The following EPHA3 variants were observed in gnomAD, a reference collection of about 807,000 sequenced individuals.
EPHA3 encodes the protein ephrin type-A receptor 3.
Under a neutral mutation model 107.1 loss-of-function variants are expected in EPHA3, and 42 were observed. The ratio of observed to expected loss-of-function variants is 0.39; its 90% confidence interval spans 0.31 to 0.51. The LOEUF is 0.51. Ranked by LOEUF, EPHA3 falls within the 20% of genes least tolerant of loss-of-function variation. The pLI is 0.78. For synonymous variants in EPHA3, 461 were observed against 424.8 expected, an observed-to-expected ratio of 1.09 and a Z score of -1.05; for missense variants, 1,183 against 1,211.2, an observed-to-expected ratio of 0.98 and a Z score of 0.35.
intron 3 of EPHA3, among the ~76,000 whole-genome samples, chr3:89,328,056 C>CCACGT (rs1474392637): frequency 2.0e-5 from 3 of 151,840 alleles, no homozygotes; most frequent in Non-Finnish European, 2.9e-5. Flanking sequence ...CGAGATCATG[C>CCACGT]CACGGTACTC....
At chr3:89,385,435 A>C (rs1708595722) in intron 5 of EPHA3, among the ~76,000 whole-genome samples, 1 of 152,144 alleles carries the variant, frequency 6.6e-6, no homozygotes, top group South Asian at 2.1e-4. Context: ...AAGATCTGAT[A>C]GTTTTATAAG....
At chr3:89,466,591 T>A (rs1710280914) in intron 15 of EPHA3, among the ~76,000 whole-genome samples, 1 of 129,220 alleles carries the variant, frequency 7.7e-6, no homozygotes, top group Admixed American at 7.7e-5. Context: ...GTGACCCGAT[T>A]TTCCAGGTGC....
intron 11 of EPHA3, among the ~76,000 whole-genome samples, chr3:89,427,143 AGT>A (rs1298452178): frequency 1.3e-5 from 2 of 151,938 alleles, no homozygotes; most frequent in African/African-American, 4.8e-5. Flanking sequence ...GACATAAATC[AGT>A]GTCTTAACGG....
chr3:89,288,127 C>T (rs1351699264), intron 3 of EPHA3, among the ~76,000 whole-genome samples: 1 of 151,692 alleles, frequency 6.6e-6, no homozygotes, highest in Non-Finnish European at 1.5e-5. Context: ...CAAAAGAATG[C>T]AATTACAAAT....
Position 89,107,650 on chromosome 3 carries a change from G to C in EPHA3, c.-99G>C. 9.1e-7 allele frequency: 1 copy of C among 1,102,570 alleles called. No homozygotes were observed. The highest frequency in any genetic ancestry group is 1.4e-6 in the Non-Finnish European group (1 of 738,720). The allele number at this position is 1,102,570 out of a possible 1,614,324, so 68.3% of individuals were successfully genotyped here. Reference sequence around the variant, plus strand: ...TCAAACTTGACATCAGCCTGCGAGCGGAGCATGGTAACTTCTCCAGCAATC... The same window carrying C: ...TCAAACTTGACATCAGCCTGCGAGCCGAGCATGGTAACTTCTCCAGCAATC... On this transcript the variant is annotated 5_prime_UTR_variant, in exon 1 of 17. Transcript: ENST00000336596.
chr3:89,475,006 C>T (rs567837456), intron 16 of EPHA3, among the ~76,000 whole-genome samples: 2 of 152,320 alleles, frequency 1.3e-5, no homozygotes, highest in South Asian at 4.1e-4. Context: ...ATTCCTTCTT[C>T]TGTCCTTTCT....
intron 3 of EPHA3, among the ~76,000 whole-genome samples, chr3:89,315,634 C>T (rs1475815338): frequency 6.8e-6 from 1 of 146,938 alleles, no homozygotes; most frequent in Admixed American, 6.8e-5. Context: ...AAAAAAAAAG[C>T]AATCTTGTCC....
intron 3 of EPHA3, among the ~76,000 whole-genome samples, chr3:89,280,123 A>G (rs1172933602): frequency 3.9e-5 from 6 of 152,098 alleles, no homozygotes; most frequent in Admixed American, 3.9e-4. Context: ...CTAGCTACAG[A>G]ATTGATGTAA....
At chr3:89,317,808 G>T (rs1358799498) in intron 3 of EPHA3, among the ~76,000 whole-genome samples, 2 of 151,656 alleles carry the variant, frequency 1.3e-5, no homozygotes, top group African/African-American at 4.8e-5. Context: ...TTTTGTATTA[G>T]ATCAAAAATA....
intron 3 of EPHA3, among the ~76,000 whole-genome samples, chr3:89,313,517 A>G (rs1467087343): frequency 6.6e-6 from 1 of 151,880 alleles, no homozygotes; most frequent in African/African-American, 2.4e-5. Flanking sequence ...TTATCTGTTC[A>G]TATTTTCTCT....
At chr3:89,269,798 C>T (rs1176510331) in intron 3 of EPHA3, among the ~76,000 whole-genome samples, 4 of 136,746 alleles carry the variant, frequency 2.9e-5, no homozygotes, top group Non-Finnish European at 3.1e-5. Flanking sequence ...TGTTCCCCTT[C>T]CTGTGTCCAT....
chr3:89,480,782 A>G lies in EPHA3; in HGVS notation c.*1280A>G, dbSNP rs1710607006. On this transcript the variant is annotated 3_prime_UTR_variant, in exon 17 of 17. Transcript: ENST00000336596. ...AACATTGTGATCATTAGTACCAGGT[A>G]TTATTATCTTTAAGAGTCTTCCACT... 1 of 232,368 alleles carries G rather than the reference A, an allele frequency of 4.3e-6. No individual in the cohort carries two copies. The highest frequency in any genetic ancestry group is 8.5e-6 in the Non-Finnish European group (1 of 117,318). 14.4% of individuals were successfully genotyped at this position (232,368 alleles called of 1,614,324 possible). A position where few individuals can be genotyped will look rare whatever the true frequency, so the allele number is the denominator to read the frequency against.
At chr3:89,199,929 G>A (rs1345414243) in intron 2 of EPHA3, among the ~76,000 whole-genome samples, 3 of 152,128 alleles carry the variant, frequency 2.0e-5, no homozygotes, top group South Asian at 2.1e-4. Context: ...AATTAAAATA[G>A]GGCGCTTACT....
chr3:89,172,413 C>G (rs1418390036), intron 2 of EPHA3, among the ~76,000 whole-genome samples: 1 of 152,180 alleles, frequency 6.6e-6, no homozygotes, highest in East Asian at 1.9e-4. Context: ...TGGCCAGTAA[C>G]TGACAGACAA....
chr3:89,195,782 A>T (rs925046735), intron 2 of EPHA3, among the ~76,000 whole-genome samples: 1 of 152,098 alleles, frequency 6.6e-6, no homozygotes, highest in Non-Finnish European at 1.5e-5. Flanking sequence ...ATCTGCCTCC[A>T]TTCCTCATCT....
chr3:89,208,923 G>T (rs1356914312), intron 2 of EPHA3, among the ~76,000 whole-genome samples: 2 of 152,102 alleles, frequency 1.3e-5, no homozygotes, highest in African/African-American at 2.4e-5. Context: ...GCAAAATGGG[G>T]CATAAGAGGA....
At chr3:89,389,243 A>G (rs1708679679) in intron 5 of EPHA3, among the ~76,000 whole-genome samples, 1 of 152,190 alleles carries the variant, frequency 6.6e-6, no homozygotes, top group Non-Finnish European at 1.5e-5. Context: ...ATCAAACCCA[A>G]GAGAGTTTCT....
rs771278897 is a variant in EPHA3, at chr3:89,342,029, G to A, written c.1245G>A (p.Val415=). ...YTFEIDAVNG[V]SELSSPPRQF... The stretch of plus-strand genomic sequence containing the variant: ...TTGAGATTGATGCCGTTAATGGGGT[G>A]TCAGAGCTGAGCTCCCCACCAAGAC... Residue 415 remains valine, a synonymous_variant, in exon 5 of 17, where the codon GTG becomes GTA. Coordinates refer to ENST00000336596, the MANE Select transcript of EPHA3 (RefSeq NM_005233.6). 1.2e-6 allele frequency: 2 copies of A among 1,612,070 alleles called. No individual in the cohort carries two copies. The highest frequency in any genetic ancestry group is 1.7e-5 in the Admixed American group (1 of 59,632).
intron 3 of EPHA3, among the ~76,000 whole-genome samples, chr3:89,246,326 A>G (rs1356936020): frequency 4.6e-5 from 7 of 152,238 alleles, no homozygotes; most frequent in African/African-American, 1.7e-4. Context: ...AAGAATAAAT[A>G]AACACTTAGA....
Sources: gnomAD v4.1 joint callset for allele counts (sites outside exome capture counted in the v4.1 genomes callset) on GRCh38, gnomAD v4.1.1 for gene constraint, MANE v1.5 for transcripts, NCBI Gene and HGNC (gene_info 2026-07-23, HGNC 2026-07-21) for gene names.